The following WASHC2A variants were observed in gnomAD, a reference collection of about 807,000 sequenced individuals.
The protein encoded by WASHC2A is WASH complex subunit FAM21A.
In WASHC2A, 82 loss-of-function variants were observed where a neutral mutation model predicts 140.3. That is an observed-to-expected ratio of 0.58 (90% confidence interval 0.49 to 0.70). The LOEUF is 0.70. WASHC2A is among the 30% of genes least tolerant of loss of function. The pLI is 0.00. For missense variants in WASHC2A, 985 were observed against 1,521.8 expected, an observed-to-expected ratio of 0.65 and a Z score of 5.87; for synonymous variants, 340 against 560.8, an observed-to-expected ratio of 0.61 and a Z score of 5.56.
rs1554884558 is a variant in WASHC2A, at chr10:50,095,718, G to A, written c.1360G>A (p.Asp454Asn). The A allele has an allele frequency of 6.2e-6, 10 of 1,611,490 alleles. No homozygotes were observed. Among genetic ancestry groups the A allele is most frequent in the Non-Finnish European group, 8.5e-6 (10 of 1,179,728 alleles). The change falls in exon 15 of 31, where the codon GAT becomes AAT. Residue 454 changes from aspartate (D) to asparagine (N), a missense_variant. Coordinates refer to ENST00000282633, the MANE Select transcript of WASHC2A (RefSeq NM_001005751.3). ...CCCTCCCACTGGCCTCTTTGATGATGATGATGGTGATGATGATGACGACTT... is the reference window on the plus strand; with the variant it reads ...CCCTCCCACTGGCCTCTTTGATGATAATGATGGTGATGATGATGACGACTT... Reference protein sequence around the residue: ...GPPPTGLFDDDDGDDDDDFFS... With the variant: ...GPPPTGLFDDNDGDDDDDFFS...
intron 28 of WASHC2A, 24 bp from the exon 29 acceptor site, chr10:50,129,395 A>T: frequency 6.2e-7 from 1 of 1,611,990 alleles, no homozygotes; most frequent in Non-Finnish European, 8.5e-7. Context: ...CGTCAGATCA[A>T]TGTGTGTTTT....
chr10:50,076,124 C>T (rs1166389628), intron 3 of WASHC2A, among the ~76,000 whole-genome samples: 3 of 151,888 alleles, frequency 2.0e-5, no homozygotes, highest in Non-Finnish European at 2.9e-5. Flanking sequence ...CATGGTTTCA[C>T]CATGTTGGCC....
intron 29 of WASHC2A, among the ~76,000 whole-genome samples, chr10:50,130,344 C>G (rs1293476568): frequency 7.3e-6 from 1 of 137,502 alleles, no homozygotes; most frequent in Non-Finnish European, 1.7e-5. Flanking sequence ...GCATGCCACT[C>G]GGTGACATGG....
chr10:50,130,017 TAAC>T lies in WASHC2A; in HGVS notation c.3691_3693del (p.Thr1231del). 2 of 1,611,958 alleles carry T rather than the reference TAAC, an allele frequency of 1.2e-6. No individual in the cohort carries two copies. On this transcript the variant is annotated inframe_deletion, in exon 29 of 31. Coordinates refer to ENST00000282633, the MANE Select transcript of WASHC2A (RefSeq NM_001005751.3). ...TCCAATAGTCAGCAGGATGTCATAT[TAAC>T]AACACAAGATATTTTTGAGGTAATA...
rs1289555228 is a variant in WASHC2A at position 50,129,572 on chromosome 10, C to T, written c.3241C>T (p.Pro1081Ser). The T allele has an allele frequency of 1.9e-6, 3 of 1,611,998 alleles. No individual in the cohort carries two copies. The South Asian group carries it at 3.3e-5, about 18-fold the overall frequency. Residue 1081 changes from proline to serine, a missense_variant, in exon 29 of 31, where the codon CCA becomes TCA. By Grantham distance (74) the Pro-to-Ser change is moderately conservative (BLOSUM62 -1). Transcript: ENST00000282633. The part of the protein sequence containing the change: ...DGAISPNGHR[P>S]QLRAASGEDS... The stretch of plus-strand genomic sequence containing the variant: ...CGCCATTTCCCCAAATGGCCATCGG[C>T]CACAGCTCAGAGCAGCCAGTGGAGA...
rs552805897 is a variant in WASHC2A, at chr10:50,106,300, A to T, written c.1738-34A>T. 46 of 1,604,554 alleles carry T rather than the reference A, an allele frequency of 2.9e-5. No homozygotes were observed. In the East Asian group the frequency reaches 1.0e-3, roughly 35 times the overall value. On this transcript the variant is annotated intron_variant, in intron 18 of 30. Coordinates refer to ENST00000282633, the MANE Select transcript of WASHC2A (RefSeq NM_001005751.3). ...GACATCCTATGTTTTCTGATTATAA[A>T]GTTGTCTTACCTTTCTGCCATTTGC...
chr10:50,099,286 A>G (rs868945894), intron 16 of WASHC2A, among the ~76,000 whole-genome samples: 37,782 of 119,016 alleles, frequency 0.32, 5,245 homozygotes, highest in Middle Eastern at 0.43. Flanking sequence ...TTTTTTTTTT[A>G]TGAGACAGGG....
chr10:50,133,492 T>C lies in WASHC2A; in HGVS notation c.*547T>C. On this transcript the variant is annotated 3_prime_UTR_variant, in exon 31 of 31. Transcript: ENST00000282633. ...CTGTCATATTTTGTTAATAAAATTT[T>C]ATTGGAACACAACCACATTCATTTG... is the stretch of plus-strand genomic sequence containing the variant. 1 of 469,214 alleles carries C rather than the reference T, an allele frequency of 2.1e-6. No homozygotes were observed. Among genetic ancestry groups the C allele is most frequent in the Non-Finnish European group, 4.4e-6 (1 of 227,012 alleles). 29.1% of individuals were successfully genotyped at this position (469,214 alleles called of 1,614,324 possible).
chr10:50,087,487 G>A (rs1456603753), intron 8 of WASHC2A, among the ~76,000 whole-genome samples, 165 bp downstream of exon 8: 2 of 151,470 alleles, frequency 1.3e-5, no homozygotes, highest in Non-Finnish European at 2.9e-5. Flanking sequence ...TACCTCCTTT[G>A]TATATATTTT....
Position 50,095,691 on chromosome 10 carries a change from C to T in WASHC2A, c.1333C>T (p.Pro445Ser). ...CACTCCAAGGAAAAGCCCCTATGGT[C>T]CCCCTCCCACTGGCCTCTTTGATGA... ...QPTPRKSPYG[P>S]PPTGLFDDDD... The change falls in exon 15 of 31, where the codon CCC (proline) becomes TCC (serine). Residue 445 changes from proline (P) to serine (S), a missense_variant. Pro to Ser is a moderately conservative substitution (Grantham distance 74). Transcript: ENST00000282633. 6.2e-7 allele frequency: 1 copy of T among 1,610,068 alleles called. No homozygotes were observed.
rs1319522648 is a variant in WASHC2A, at chr10:50,105,948, A to G, written c.1738-386A>G. Among the ~76,000 whole-genome samples, 15 of 151,998 alleles carry G rather than the reference A, an allele frequency of 9.9e-5. No homozygotes were observed. In the East Asian group the frequency reaches 2.3e-3, roughly 24 times the overall value. On this transcript the variant is annotated intron_variant, in intron 18 of 30. Coordinates refer to ENST00000282633, the MANE Select transcript of WASHC2A (RefSeq NM_001005751.3). ...GTTCTGGTTTCTCATTCGTGGAGAC[A>G]ACAGTGTGAGTTTCTGGCTGCTGCG...
chr10:50,109,537 G>A (rs1416960661), intron 19 of WASHC2A, among the ~76,000 whole-genome samples: 1 of 152,072 alleles, frequency 6.6e-6, no homozygotes, highest in African/African-American at 2.4e-5. Flanking sequence ...GTAATACAGT[G>A]CAGAACCACA....
chr10:50,111,742 C>T (rs1476579533), intron 20 of WASHC2A, among the ~76,000 whole-genome samples: 5 of 152,298 alleles, frequency 3.3e-5, no homozygotes, highest in Admixed American at 6.5e-5. Flanking sequence ...CATAAGAAGC[C>T]TTCCCGGCTG....
chr10:50,071,365 G>A (rs1554876167), intron 3 of WASHC2A, among the ~76,000 whole-genome samples: 2 of 150,628 alleles, frequency 1.3e-5, no homozygotes, highest in East Asian at 2.0e-4. Context: ...GAGTGCAGTG[G>A]TGCGATCTCC....
intron 8 of WASHC2A, among the ~76,000 whole-genome samples, chr10:50,087,940 C>T (rs1333544802): frequency 2.0e-5 from 3 of 151,130 alleles, no homozygotes; most frequent in African/African-American, 7.3e-5. Flanking sequence ...CTCAGCCTCC[C>T]GAGTAGCTGG....
At chr10:50,087,358 A>G in intron 8 of WASHC2A, 36 bp downstream of exon 8, 3 of 1,613,682 alleles carry the variant, frequency 1.9e-6, no homozygotes, top group Non-Finnish European at 2.5e-6. Context: ...TTGTTTTTAC[A>G]TTTTAATTGA....
At chr10:50,083,781 A>T (rs1554880274) in intron 5 of WASHC2A, among the ~76,000 whole-genome samples, 1 of 118,114 alleles carries the variant, frequency 8.5e-6, no homozygotes. Flanking sequence ...CTGGTCTCAA[A>T]CTCCTGACCT....
intron 20 of WASHC2A, among the ~76,000 whole-genome samples, chr10:50,112,634 C>T (rs1229330197): frequency 2.4e-4 from 34 of 144,056 alleles, no homozygotes; most frequent in African/African-American, 5.7e-4. Context: ...TCATAACAGC[C>T]GAAAGTGTAA....
rs1405768980 is a variant in WASHC2A, at chr10:50,100,422, C to T, written c.1635+358C>T. ...ACTTGAACCCGGGAGGCAGAAGTTGCAATGAACCGAGATCACACCATTGCA... is the reference window on the plus strand; with the variant it reads ...ACTTGAACCCGGGAGGCAGAAGTTGTAATGAACCGAGATCACACCATTGCA... On this transcript the variant is annotated intron_variant, in intron 17 of 30. Transcript: ENST00000282633. 2.0e-3 allele frequency among the ~76,000 whole-genome samples: 305 copies of T among 151,970 alleles called. 1 individual carries two copies. The highest frequency in any genetic ancestry group is 7.0e-3 in the African/African-American group (290 of 41,456).
Sources: gnomAD v4.1 joint callset for allele counts (sites outside exome capture counted in the v4.1 genomes callset) on GRCh38, gnomAD v4.1.1 for gene constraint, MANE v1.5 for transcripts, NCBI Gene and HGNC (gene_info 2026-07-23, HGNC 2026-07-21) for gene names.